LRBA: variants seen among roughly 807,000 people sequenced by gnomAD.
The protein encoded by LRBA is lipopolysaccharide-responsive and beige-like anchor protein.
In LRBA, 176 loss-of-function variants were observed where a neutral mutation model predicts 330.0. That is an observed-to-expected ratio of 0.53 (90% CI 0.47 to 0.60). The LOEUF (loss-of-function observed/expected upper bound fraction) is 0.60, where lower values mean the gene tolerates loss of function less well. Among genes scored for constraint, LRBA ranks in the 20% least tolerant of loss-of-function variants. LRBA has a pLI of 0.00. For missense variants in LRBA, 3,259 were observed against 3,444.8 expected (o/e 0.95, Z 1.35); for synonymous variants, 1,230 against 1,193.0 (o/e 1.03, Z -0.64).
intron 56 of LRBA, among the ~76,000 whole-genome samples, chr4:150,272,526 G>A (rs1224204702): frequency 2.0e-5 from 3 of 151,830 alleles, no homozygotes; most frequent in African/African-American, 7.3e-5. Flanking sequence ...CGAGCTAAAG[G>A]ATCACGTTCT....
At chr4:150,835,157 G>A (rs911450173) in intron 28 of LRBA, among the ~76,000 whole-genome samples, 2 of 152,026 alleles carry the variant, frequency 1.3e-5, no homozygotes, top group Non-Finnish European at 2.9e-5. Context: ...CTGTTCCGTT[G>A]GTCTATATCT....
At chr4:150,498,527 G>A (rs1188962083) in intron 40 of LRBA, among the ~76,000 whole-genome samples, 1 of 151,950 alleles carries the variant, frequency 6.6e-6, no homozygotes, top group Non-Finnish European at 1.5e-5. Flanking sequence ...AAACCAAAAT[G>A]AACCCGCAAA....
chr4:150,754,890 A>G (rs1172915028), intron 35 of LRBA, among the ~76,000 whole-genome samples: 1 of 152,160 alleles, frequency 6.6e-6, no homozygotes, highest in Non-Finnish European at 1.5e-5. Flanking sequence ...GATAATCTCT[A>G]CCTCAATTCA....
In LRBA at chr4:150,844,178, T is replaced by A. The variant is rs1188950363; in HGVS notation, c.4491A>T (p.Ile1497=). The A allele has an allele frequency of 6.2e-7, 1 of 1,609,962 alleles. No individual in the cohort carries two copies. Among genetic ancestry groups the A allele is most frequent in the Non-Finnish European group, 8.5e-7 (1 of 1,177,166 alleles). The change falls in exon 28 of 57, where the codon ATA becomes ATT. Residue 1497 remains isoleucine, a synonymous_variant. Transcript: ENST00000651943. The part of the protein sequence containing the change: ...KSPVDIVTGG[I]SPVRDLDRLL... The stretch of plus-strand genomic sequence containing the variant: ...GCCTGTCAAGATCTCTTACTGGAGA[T>A]ATACCGCCAGTCACAATGTCCACTG...
intron 42 of LRBA, among the ~76,000 whole-genome samples, chr4:150,480,706 AAC>A (rs1221737982): frequency 3.9e-5 from 6 of 152,150 alleles, no homozygotes; most frequent in Non-Finnish European, 5.9e-5. Flanking sequence ...TATTTATTTA[AAC>A]AGTTTTACAT....
At chr4:150,851,815 T>A in intron 23 of LRBA, 70 bp downstream of exon 23, 3 of 1,393,208 alleles carry the variant, frequency 2.2e-6, no homozygotes, top group Non-Finnish European at 2.8e-6. Context: ...AAAATAAAAT[T>A]TAAGTATATA....
chr4:150,337,723 C>T (rs1293302590), intron 48 of LRBA, among the ~76,000 whole-genome samples: 2 of 152,048 alleles, frequency 1.3e-5, no homozygotes, highest in Non-Finnish European at 2.9e-5. Flanking sequence ...CTTCGGTATT[C>T]AATACTCCTA....
At chr4:150,601,970 T>C (rs1774169063) in intron 37 of LRBA, among the ~76,000 whole-genome samples, 2 of 151,356 alleles carry the variant, frequency 1.3e-5, no homozygotes. Flanking sequence ...GGATTACAAG[T>C]GTGAGCCACC....
intron 40 of LRBA, among the ~76,000 whole-genome samples, chr4:150,538,641 G>A (rs1312637416): frequency 6.6e-6 from 1 of 151,976 alleles, no homozygotes; most frequent in East Asian, 1.9e-4. Context: ...TACTAAAGGG[G>A]GGAGATGGGG....
chr4:150,853,807 T>G (rs1360871119), intron 22 of LRBA, among the ~76,000 whole-genome samples: 1 of 152,152 alleles, frequency 6.6e-6, no homozygotes, highest in African/African-American at 2.4e-5. Context: ...CATCACCCCT[T>G]GCAACAAAAA....
rs56371461 is a variant in LRBA at position 150,669,589 on chromosome 4, T to C, written c.5921+13962A>G. Reference sequence around the variant, plus strand: ...GTCTAATATTTTCTCTTTTTTTTTTTCCCTCTGGCTCTGTCACCCAGGCTG... The same window carrying C: ...GTCTAATATTTTCTCTTTTTTTTTTCCCCTCTGGCTCTGTCACCCAGGCTG... On this transcript the variant is annotated intron_variant, in intron 37 of 56. Transcript: ENST00000651943. 2.1e-3 allele frequency among the ~76,000 whole-genome samples: 312 copies of C among 152,044 alleles called. 1 individual carries two copies. The highest frequency in any genetic ancestry group is 6.8e-3 in the Middle Eastern group (2 of 294).
At chr4:150,940,404 AAAAAC>A (rs557666313) in intron 2 of LRBA, among the ~76,000 whole-genome samples, 1 of 152,260 alleles carries the variant, frequency 6.6e-6, no homozygotes, top group Non-Finnish European at 1.5e-5. Flanking sequence ...GCTTTCTCAA[AAAAAC>A]AAAACAAAAC....
intron 42 of LRBA, among the ~76,000 whole-genome samples, chr4:150,486,008 A>C (rs1757830109): frequency 6.6e-6 from 1 of 151,942 alleles, no homozygotes; most frequent in Non-Finnish European, 1.5e-5. Flanking sequence ...TGGGAATCTA[A>C]TGTTTAATAT....
At chr4:150,909,618 T>C (rs898522314) in intron 9 of LRBA, among the ~76,000 whole-genome samples, 1 of 152,200 alleles carries the variant, frequency 6.6e-6, no homozygotes, top group Non-Finnish European at 1.5e-5. Context: ...CTTGTGACCC[T>C]ATTTTTTGTG....
chr4:150,359,373 G>C (rs1308058958), intron 47 of LRBA, among the ~76,000 whole-genome samples: 4 of 152,178 alleles, frequency 2.6e-5, no homozygotes, highest in African/African-American at 7.2e-5. Flanking sequence ...TAGTCTAAGT[G>C]AGAGGTAGTG....
At chr4:150,274,058 A>T (rs1281359472) in intron 56 of LRBA, among the ~76,000 whole-genome samples, 12 of 152,240 alleles carry the variant, frequency 7.9e-5, no homozygotes, top group Admixed American at 3.9e-4. Flanking sequence ...CATAATTGAA[A>T]GTAAAACACT....
At chr4:150,426,419 T>C (rs1749616044) in intron 46 of LRBA, among the ~76,000 whole-genome samples, 1 of 152,018 alleles carries the variant, frequency 6.6e-6, no homozygotes, top group Non-Finnish European at 1.5e-5. Context: ...CAATCTGATA[T>C]AGTAGAAAAA....
At chr4:150,329,994 G>C (rs1057419970) in intron 48 of LRBA, among the ~76,000 whole-genome samples, 2 of 152,052 alleles carry the variant, frequency 1.3e-5, no homozygotes, top group Non-Finnish European at 2.9e-5. Flanking sequence ...TCTGCCTCCA[G>C]CATATCCTGC....
chr4:150,624,310 C>CAAAAAAAAAAAAAA (rs11301318), intron 37 of LRBA, among the ~76,000 whole-genome samples: 1 of 140,344 alleles, frequency 7.1e-6, no homozygotes, highest in Non-Finnish European at 1.6e-5. Context: ...ACCTCCCTAT[C>CAAAAAAAAAAAAAA]AAAAAAAAAA....
Sources: gnomAD v4.1 joint callset for allele counts (sites outside exome capture counted in the v4.1 genomes callset) on GRCh38, gnomAD v4.1.1 for gene constraint, MANE v1.5 for transcripts, NCBI Gene and HGNC (gene_info 2026-07-23, HGNC 2026-07-21) for gene names.